The following CNTN3 variants were observed in gnomAD, a reference collection of about 807,000 sequenced individuals.
CNTN3 encodes contactin-3.
Under a neutral mutation model 119.1 loss-of-function variants are expected in CNTN3, and 60 were observed. That is an observed-to-expected ratio of 0.50 (90% CI 0.41 to 0.62). The LOEUF (loss-of-function observed/expected upper bound fraction) is 0.62. Among genes scored for constraint, CNTN3 ranks in the 20% least tolerant of loss-of-function variants. The probability of loss-of-function intolerance (pLI) is 0.00; values close to 1 mark genes in which losing one functional copy is unlikely to be tolerated. For synonymous variants in CNTN3, 450 were observed against 438.7 expected (o/e 1.03, Z -0.32); for missense variants, 1,101 against 1,242.4 (o/e 0.89, Z 1.71).
At chr3:74,590,144 A>G (rs1232522447) in intron 1 of CNTN3, among the ~76,000 whole-genome samples, 1 of 151,926 alleles carries the variant, frequency 6.6e-6, no homozygotes, top group Non-Finnish European at 1.5e-5. Flanking sequence ...AAAAATAAAT[A>G]AACCAAAAAC....
chr3:74,546,183 G>C (rs1444999048), intron 1 of CNTN3, among the ~76,000 whole-genome samples: 1 of 152,012 alleles, frequency 6.6e-6, no homozygotes, highest in Non-Finnish European at 1.5e-5. Context: ...TTTCAGTAGA[G>C]ACAGGGTTTC....
At chr3:74,571,390 T>C (rs185267851) in intron 1 of CNTN3, among the ~76,000 whole-genome samples, 3 of 152,240 alleles carry the variant, frequency 2.0e-5, no homozygotes, top group Admixed American at 6.5e-5. Context: ...AGCCTGGGCA[T>C]TGGGCTTACA....
At chr3:74,331,190 G>A (rs888116215) in intron 13 of CNTN3, among the ~76,000 whole-genome samples, 1 of 152,168 alleles carries the variant, frequency 6.6e-6, no homozygotes, top group African/African-American at 2.4e-5. Context: ...TCCATTCACA[G>A]TAAGTGCCCT....
chr3:74,465,081 A>G (rs1702437321), intron 4 of CNTN3, among the ~76,000 whole-genome samples: 1 of 152,188 alleles, frequency 6.6e-6, no homozygotes, highest in Non-Finnish European at 1.5e-5. Flanking sequence ...TATTTCTATT[A>G]CCATTGATCC....
At chr3:74,386,242 T>C (rs540661242) in intron 5 of CNTN3, among the ~76,000 whole-genome samples, 1 of 152,332 alleles carries the variant, frequency 6.6e-6, no homozygotes, top group South Asian at 2.1e-4. Flanking sequence ...TGCAGGTGTT[T>C]AAGATCTCTT....
chr3:74,449,009 A>T (rs1019572908), intron 4 of CNTN3, among the ~76,000 whole-genome samples: 1 of 152,006 alleles, frequency 6.6e-6, no homozygotes, highest in African/African-American at 2.4e-5. Context: ...GCTAGAATTA[A>T]TGTCTCCCAG....
At chr3:74,447,250 C>G (rs34529368) in intron 4 of CNTN3, among the ~76,000 whole-genome samples, 3,319 of 152,264 alleles carry the variant, frequency 0.022, 55 homozygotes, top group Middle Eastern at 0.068. Flanking sequence ...CTGTTAGGAG[C>G]TGTGGCCTCC....
At chr3:74,480,984 T>C (rs985141859) in intron 4 of CNTN3, among the ~76,000 whole-genome samples, 2 of 151,674 alleles carry the variant, frequency 1.3e-5, no homozygotes, top group African/African-American at 4.8e-5. Flanking sequence ...AAAAAGAACA[T>C]AAAAATCAGA....
At chr3:74,504,795 G>T (rs985732047) in intron 2 of CNTN3, among the ~76,000 whole-genome samples, 2 of 152,042 alleles carry the variant, frequency 1.3e-5, no homozygotes, top group African/African-American at 4.8e-5. Flanking sequence ...TTCTCGGCTG[G>T]GAAGAAGGGT....
chr3:74,392,262 A>G (rs759305891), intron 5 of CNTN3, among the ~76,000 whole-genome samples: 4 of 152,186 alleles, frequency 2.6e-5, no homozygotes, highest in Non-Finnish European at 4.4e-5. Context: ...GGAGTTACTG[A>G]TGAAGTAAAT....
At chr3:74,285,817 AT>A (rs1702103806) in intron 19 of CNTN3, among the ~76,000 whole-genome samples, 1 of 119,770 alleles carries the variant, frequency 8.3e-6, no homozygotes, top group African/African-American at 3.9e-5. Flanking sequence ...ATATATATAT[AT>A]ATATATATAT....
chr3:74,310,759 T>C (rs1702667141), intron 13 of CNTN3, among the ~76,000 whole-genome samples: 1 of 152,160 alleles, frequency 6.6e-6, no homozygotes, highest in Non-Finnish European at 1.5e-5. Context: ...TTTTACTACT[T>C]GGTAGGGAGC....
intron 8 of CNTN3, among the ~76,000 whole-genome samples, chr3:74,366,022 C>T (rs1704177990): frequency 6.6e-6 from 1 of 152,084 alleles, no homozygotes; most frequent in East Asian, 1.9e-4. Context: ...AATACAGGTA[C>T]ACAAAACTGA....
chr3:74,476,252 T>A (rs1489335751), intron 4 of CNTN3, among the ~76,000 whole-genome samples: 1 of 152,178 alleles, frequency 6.6e-6, no homozygotes, highest in Non-Finnish European at 1.5e-5. Flanking sequence ...ATCTTGTATT[T>A]CCCTTAGGAG....
intron 13 of CNTN3, among the ~76,000 whole-genome samples, chr3:74,322,051 T>C (rs1249160481): frequency 6.6e-6 from 1 of 151,308 alleles, no homozygotes; most frequent in Non-Finnish European, 1.5e-5. Flanking sequence ...CCAGGTGTGG[T>C]GGTACACAGT....
chr3:74,572,844 AG>A (rs1307722748), intron 1 of CNTN3, among the ~76,000 whole-genome samples: 1 of 152,224 alleles, frequency 6.6e-6, no homozygotes, highest in Non-Finnish European at 1.5e-5. Flanking sequence ...CCAGGACAAG[AG>A]GTAACTGCCT....
chr3:74,581,601 T>C (rs1704510707), intron 1 of CNTN3, among the ~76,000 whole-genome samples: 1 of 152,198 alleles, frequency 6.6e-6, no homozygotes, highest in East Asian at 1.9e-4. Context: ...AATAGGTCCT[T>C]TGAAGAAAGA....
intron 3 of CNTN3, among the ~76,000 whole-genome samples, chr3:74,489,657 G>C (rs546296730): frequency 8.1e-6 from 1 of 124,114 alleles, no homozygotes; most frequent in East Asian, 2.5e-4. Flanking sequence ...CCAGGCCTTA[G>C]TCATGCCTTT....
chr3:74,298,066 C>A lies in CNTN3; in HGVS notation c.2292G>T (p.Arg764Ser). The change falls in exon 18 of 23, where the codon AGG becomes AGT. Residue 764 changes from arginine (R) to serine (S), a missense_variant. By Grantham distance (110) the Arg-to-Ser change is moderately radical. Transcript: ENST00000263665. Reference sequence around the variant, plus strand: ...GTGAATATGGCACGATGCTTTCATTCCTAAAGACATATCTTGGGGTGTCAG... The same window carrying A: ...GTGAATATGGCACGATGCTTTCATTACTAAAGACATATCTTGGGGTGTCAG... ...TSPDTPRYVF[R>S]NESIVPYSPY... The A allele has an allele frequency of 1.9e-6, 3 of 1,614,022 alleles. No homozygotes were observed. The highest frequency in any genetic ancestry group is 2.5e-6 in the Non-Finnish European group (3 of 1,179,950).
Sources: allele counts gnomAD v4.1 joint callset (sites outside exome capture counted in the v4.1 genomes callset), GRCh38; gene constraint gnomAD v4.1.1; transcripts MANE v1.5; gene names NCBI Gene and HGNC (gene_info 2026-07-23, HGNC 2026-07-21).